NRG3: variants seen among roughly 807,000 people sequenced by gnomAD.
NRG3 encodes neuregulin 3.
A neutral mutation model predicts 66.9 loss-of-function variants in NRG3; 31 were observed. The ratio of observed to expected loss-of-function variants is 0.46; its 90% CI spans 0.35 to 0.63. NRG3 has a LOEUF of 0.63. Among genes scored for constraint, NRG3 ranks in the 20% least tolerant of loss-of-function variants. The pLI is 0.00. For synonymous variants in NRG3, 393 were observed against 359.4 expected (o/e 1.09, Z -1.06); for missense variants, 910 against 878.9 (o/e 1.04, Z -0.45).
chr10:82,957,891 T>C (rs1850220917), intron 5 of NRG3, among the ~76,000 whole-genome samples: 2 of 78,616 alleles, frequency 2.5e-5, no homozygotes, highest in Middle Eastern at 0.014. Flanking sequence ...CAAAGAGGTG[T>C]GCGTGTGTGT....
intron 3 of NRG3, among the ~76,000 whole-genome samples, chr10:82,822,400 C>A (rs1443700826): frequency 6.6e-6 from 1 of 152,084 alleles, no homozygotes; most frequent in East Asian, 1.9e-4. Context: ...GAGAGAGGCA[C>A]TAGCCAGTGG....
chr10:82,367,759 T>C (rs995885983), intron 2 of NRG3, among the ~76,000 whole-genome samples: 11 of 152,022 alleles, frequency 7.2e-5, no homozygotes, highest in African/African-American at 2.4e-4. Flanking sequence ...CTTAGGAGGC[T>C]GAGGTGGGCA....
rs192690122 is a variant in NRG3 at position 82,091,359 on chromosome 10, G to A, written c.823+215196G>A. ...ACCTGCAGCCATGGTAACCTCTATT[G>A]TACTTTCTGTCTCTATGAATTTGCC... On this transcript the variant is annotated intron_variant, in intron 1 of 8. Coordinates refer to ENST00000372141, the MANE Select transcript of NRG3 (RefSeq NM_001010848.4). Among the ~76,000 whole-genome samples, 422 of 152,114 alleles carry A rather than the reference G, an allele frequency of 2.8e-3. 3 individuals carry two copies. The highest frequency in any genetic ancestry group is 9.9e-3 in the African/African-American group (411 of 41,478).
chr10:82,813,704 T>A (rs1260542046), intron 3 of NRG3, among the ~76,000 whole-genome samples: 1 of 152,210 alleles, frequency 6.6e-6, no homozygotes, highest in East Asian at 1.9e-4. Flanking sequence ...TGTAACACAG[T>A]CTCATTTATA....
chr10:82,740,140 C>T (rs1591372854), intron 3 of NRG3, among the ~76,000 whole-genome samples: 1 of 149,714 alleles, frequency 6.7e-6, no homozygotes, highest in Non-Finnish European at 1.5e-5. Flanking sequence ...TACTTCTTCC[C>T]TTCCTCCCTC....
intron 1 of NRG3, among the ~76,000 whole-genome samples, chr10:82,205,272 A>G (rs1466490047): frequency 6.6e-6 from 1 of 152,144 alleles, no homozygotes; most frequent in Admixed American, 6.6e-5. Context: ...ATTCACATAG[A>G]CCAGTACTAC....
At chr10:81,960,089 CTTTGTGGGT>C (rs1393127728) in intron 1 of NRG3, among the ~76,000 whole-genome samples, 6 of 152,088 alleles carry the variant, frequency 3.9e-5, no homozygotes, top group Middle Eastern at 3.4e-3. Flanking sequence ...ACTGTAACTT[CTTTGTGGGT>C]TTTGTGGGAT....
At chr10:81,995,403 T>C (rs907131000) in intron 1 of NRG3, among the ~76,000 whole-genome samples, 2 of 152,196 alleles carry the variant, frequency 1.3e-5, no homozygotes, top group African/African-American at 2.4e-5. Flanking sequence ...CTTGGTTTCA[T>C]GCATGTTGTG....
chr10:82,854,400 A>G (rs1208565656), intron 3 of NRG3, among the ~76,000 whole-genome samples: 1 of 152,128 alleles, frequency 6.6e-6, no homozygotes. Context: ...TATTTCGGGG[A>G]GTGTGAGCAG....
chr10:81,984,334 A>G (rs999854143), intron 1 of NRG3, among the ~76,000 whole-genome samples: 6 of 152,198 alleles, frequency 3.9e-5, no homozygotes, highest in Non-Finnish European at 5.9e-5. Context: ...CTTCTTTACA[A>G]TCTGCTCCCA....
chr10:82,469,927 A>G (rs1841080984), intron 2 of NRG3, among the ~76,000 whole-genome samples: 1 of 152,210 alleles, frequency 6.6e-6, no homozygotes, highest in African/African-American at 2.4e-5. Flanking sequence ...TGTGCATGCT[A>G]AGAAACGCAA....
At chr10:82,390,379 A>G (rs902139280) in intron 2 of NRG3, among the ~76,000 whole-genome samples, 6 of 152,078 alleles carry the variant, frequency 3.9e-5, no homozygotes, top group Admixed American at 3.9e-4. Context: ...AAAATGATTT[A>G]CTGACATTCT....
chr10:82,271,613 TTAACTC>T (rs1178954574), intron 1 of NRG3, among the ~76,000 whole-genome samples: 5 of 148,998 alleles, frequency 3.4e-5, no homozygotes, highest in African/African-American at 7.8e-5. Context: ...TACTAACTAA[TTAACTC>T]TAATTGATTG....
intron 1 of NRG3, among the ~76,000 whole-genome samples, chr10:82,160,002 G>A (rs2071464963): frequency 6.6e-6 from 1 of 151,878 alleles, no homozygotes. Context: ...CTTGAGCTGA[G>A]CCTCAAGGAT....
At chr10:82,740,138 C>T (rs1207445851) in intron 3 of NRG3, among the ~76,000 whole-genome samples, 1 of 150,316 alleles carries the variant, frequency 6.7e-6, no homozygotes. Flanking sequence ...AATACTTCTT[C>T]CCTTCCTCCC....
At chr10:82,978,654 G>T (rs1259330075) in intron 7 of NRG3, among the ~76,000 whole-genome samples, 1 of 152,116 alleles carries the variant, frequency 6.6e-6, no homozygotes, top group Non-Finnish European at 1.5e-5. Flanking sequence ...AATTCCTTAA[G>T]TTCACCTCTT....
intron 2 of NRG3, among the ~76,000 whole-genome samples, chr10:82,488,718 A>G (rs1281622959): frequency 6.6e-6 from 1 of 152,184 alleles, no homozygotes. Context: ...CTGTGAAGCC[A>G]TCTCCAGGGA....
At chr10:82,895,142 A>G (rs1403566360) in intron 4 of NRG3, among the ~76,000 whole-genome samples, 1 of 152,096 alleles carries the variant, frequency 6.6e-6, no homozygotes, top group Non-Finnish European at 1.5e-5. Flanking sequence ...CCAGTCTATC[A>G]TTGATGGGAC....
chr10:81,908,440 G>A (rs1337523603), intron 1 of NRG3, among the ~76,000 whole-genome samples: 1 of 152,170 alleles, frequency 6.6e-6, no homozygotes, highest in African/African-American at 2.4e-5. Context: ...AGTAGGTATT[G>A]AAACATGCCG....
Sources: gnomAD v4.1 joint callset for allele counts (sites outside exome capture counted in the v4.1 genomes callset) on GRCh38, gnomAD v4.1.1 for gene constraint, MANE v1.5 for transcripts, NCBI Gene and HGNC (gene_info 2026-07-23, HGNC 2026-07-21) for gene names.